PTGES3L: variants seen among roughly 807,000 people sequenced by gnomAD.
PTGES3L encodes putative protein PTGES3L.
Under a neutral mutation model 25.0 loss-of-function variants are expected in PTGES3L, and 17 were observed. The observed-to-expected ratio is 0.68, with a 90% CI of 0.47 to 1.02. The LOEUF (loss-of-function observed/expected upper bound fraction) is 1.02, where lower values mean the gene tolerates loss of function less well. PTGES3L is among the 50% of genes least tolerant of loss of function. The pLI is 0.00. For synonymous variants in PTGES3L, 59 were observed against 65.7 expected, an observed-to-expected ratio of 0.90 and a Z score of 0.50; for missense variants, 202 against 197.5, an observed-to-expected ratio of 1.02 and a Z score of -0.14.
chr17:42,971,671 T>C lies in PTGES3L; in HGVS notation c.314A>G (p.Asp105Gly), dbSNP rs199559973. The change falls in exon 5 of 7, where the codon GAT (aspartate) becomes GGT (glycine). Residue 105 changes from aspartate (D) to glycine (G), a missense_variant. Physicochemically the swap from Asp to Gly is moderately conservative, Grantham distance 94 (BLOSUM62 -1). Coordinates refer to ENST00000591916, the MANE Select transcript of PTGES3L (RefSeq NM_001261430.2). ...ATCCCCTTCCCAGTCTCTCCAGTTATCAAAGTCCACAGACAGCCACACTGG... is the reference window on the plus strand; with the variant it reads ...ATCCCCTTCCCAGTCTCTCCAGTTACCAAAGTCCACAGACAGCCACACTGG... Reference protein sequence around the residue: ...IKPVWLSVDFDNWRDWEGDEE... With the variant: ...IKPVWLSVDFGNWRDWEGDEE... 12 of 1,613,994 alleles carry C rather than the reference T, an allele frequency of 7.4e-6. No homozygotes were observed. The Middle Eastern group carries it at 9.9e-4, about 133-fold the overall frequency.
intron 4 of PTGES3L, among the ~76,000 whole-genome samples, chr17:42,974,008 A>AT (rs945486094): frequency 3.3e-5 from 5 of 149,868 alleles, no homozygotes; most frequent in East Asian, 1.9e-4. Context: ...TAAATTAAAA[A>AT]AAAATAAAAA....
chr17:42,979,885 G>T, intron 1 of PTGES3L, 161 bp downstream of exon 1: 1 of 1,445,444 alleles, frequency 6.9e-7, no homozygotes. Flanking sequence ...AGGAGGTCAG[G>T]GAGAACATTC....
chr17:42,973,578 G>A (rs1193563722), intron 4 of PTGES3L, among the ~76,000 whole-genome samples: 1 of 151,880 alleles, frequency 6.6e-6, no homozygotes. Flanking sequence ...AAAAGATTGA[G>A]AAATCGGATG....
chr17:42,969,936 G>A (rs1421830305), intron 6 of PTGES3L, among the ~76,000 whole-genome samples: 1 of 151,934 alleles, frequency 6.6e-6, no homozygotes, highest in Non-Finnish European at 1.5e-5. Context: ...AGACCAGCCT[G>A]GCTAACATGG....
intron 4 of PTGES3L, among the ~76,000 whole-genome samples, chr17:42,973,835 T>A (rs2049903972): frequency 1.4e-5 from 2 of 144,608 alleles, no homozygotes; most frequent in South Asian, 4.5e-4. Context: ...TAATCTCAAG[T>A]AATCAGGGAC....
Position 42,969,177 on chromosome 17 carries a change from C to G in PTGES3L, c.442G>C (p.Asp148His), listed in dbSNP as rs75458110. ...PAMDDLDDDS[D>H]SADDATSN is the part of the protein sequence containing the mutation. Reference sequence around the variant, plus strand: ...TTACTTGTTGCATCATCAGCACTGTCAGAATCATCCTGGGGGCGGGGGGGA... The same window carrying G: ...TTACTTGTTGCATCATCAGCACTGTGAGAATCATCCTGGGGGCGGGGGGGA... The change falls in exon 7 of 7, where the codon GAC (aspartate) becomes CAC (histidine). Residue 148 changes from aspartate to histidine, a missense_variant. By Grantham distance (81) the Asp-to-His change is moderately conservative (BLOSUM62 -1). Transcript: ENST00000591916. 9,901 of 1,463,220 alleles carry G rather than the reference C, an allele frequency of 6.8e-3. 667 individuals are homozygous for G. In the African/African-American group the frequency reaches 0.16, roughly 23 times the overall value. 90.6% of individuals were successfully genotyped at this position (1,463,220 alleles called of 1,614,324 possible).
chr17:42,978,425 A>C (rs565166542), intron 4 of PTGES3L, among the ~76,000 whole-genome samples: 13 of 152,246 alleles, frequency 8.5e-5, no homozygotes, highest in African/African-American at 2.9e-4. Context: ...CACACACACA[A>C]AAAGAATCAA....
chr17:42,979,102 G>A (rs2050021260), intron 4 of PTGES3L, 68 bp downstream of exon 4: 1 of 1,552,274 alleles, frequency 6.4e-7, no homozygotes, highest in Non-Finnish European at 8.9e-7. Context: ...TGGAAAGGAG[G>A]CAAGGACAAT....
chr17:42,971,586 A>G (rs2049837391), intron 5 of PTGES3L, 21 bp downstream of exon 5: 3 of 1,613,132 alleles, frequency 1.9e-6, no homozygotes, highest in Non-Finnish European at 2.5e-6. Flanking sequence ...TGGGCAGAAC[A>G]CAGTAGGTGT....
chr17:42,971,031 ACTTACGC>A (rs1567722420), intron 5 of PTGES3L, among the ~76,000 whole-genome samples: 1 of 151,538 alleles, frequency 6.6e-6, no homozygotes, highest in African/African-American at 2.4e-5. Flanking sequence ...AGGCATGGTG[ACTTACGC>A]CTGTAATCCC....
chr17:42,970,806 C>A (rs1409019263), intron 5 of PTGES3L, among the ~76,000 whole-genome samples: 5 of 151,778 alleles, frequency 3.3e-5, no homozygotes, highest in Admixed American at 2.6e-4. Flanking sequence ...AGTTCCAGAC[C>A]AGCCTGGCCA....
chr17:42,973,307 G>A (rs373326933), intron 4 of PTGES3L, among the ~76,000 whole-genome samples: 13 of 55,914 alleles, frequency 2.3e-4, no homozygotes, highest in Non-Finnish European at 4.4e-4. Flanking sequence ...TCTGCCCGGC[G>A]GCCCCTACTG....
At chr17:42,972,800 G>A (rs1162668200) in intron 4 of PTGES3L, among the ~76,000 whole-genome samples, 1 of 149,778 alleles carries the variant, frequency 6.7e-6, no homozygotes, top group Non-Finnish European at 1.5e-5. Flanking sequence ...GGGATGTGAG[G>A]AGCCCCTCTG....
chr17:42,971,486 A>T (rs1284407569), intron 5 of PTGES3L, 121 bp downstream of exon 5: 5 of 985,276 alleles, frequency 5.1e-6, no homozygotes, highest in Non-Finnish European at 7.6e-6. Flanking sequence ...ATCAATGAGT[A>T]ACCTGCCTAG....
At chr17:42,973,251 A>G (rs2049887867) in intron 4 of PTGES3L, among the ~76,000 whole-genome samples, 5 of 147,926 alleles carry the variant, frequency 3.4e-5, no homozygotes, top group South Asian at 2.2e-4. Flanking sequence ...TGGGGGGGTC[A>G]GCCCCCCGCC....
In PTGES3L at chr17:42,971,837, C is replaced by T. The variant is rs569325755; in HGVS notation, c.289-141G>A. On this transcript the variant is annotated intron_variant, in intron 4 of 6. Coordinates refer to ENST00000591916, the MANE Select transcript of PTGES3L (RefSeq NM_001261430.2). The stretch of plus-strand genomic sequence containing the variant: ...AGTCCTCCCAACTGCACTCCTTTGA[C>T]CAGGAACCTGCCAATCTACACACAA... 17 of 691,722 alleles carry T rather than the reference C, an allele frequency of 2.5e-5. No homozygotes were observed. In the African/African-American group the frequency reaches 2.7e-4, roughly 11 times the overall value. The allele number at this position is 691,722 out of a possible 1,614,324, so 42.8% of individuals were successfully genotyped here.
At position 42,969,197 on chromosome 17, in the gene PTGES3L, G is replaced by C. The variant is rs760909566; in HGVS notation, c.433-11C>G. The C allele has an allele frequency of 6.1e-5, 86 of 1,420,770 alleles. No individual in the cohort carries two copies. The highest frequency in any genetic ancestry group is 1.8e-4 in the Middle Eastern group (1 of 5,602). The allele number at this position is 1,420,770 out of a possible 1,614,324, so 88.0% of individuals were successfully genotyped here. On this transcript the variant is annotated splice_polypyrimidine_tract_variant and intron_variant, in intron 6 of 6. Coordinates refer to ENST00000591916, the MANE Select transcript of PTGES3L (RefSeq NM_001261430.2). ...ACTGTCAGAATCATCCTGGGGGCGG[G>C]GGGGAAAAAAGACAAAGCACCTGTA... is the stretch of plus-strand genomic sequence containing the variant.
rs1483982791 is a variant in PTGES3L at position 42,970,315 on chromosome 17, G to A, written c.406C>T (p.Pro136Ser). 2.5e-6 allele frequency: 4 copies of A among 1,613,936 alleles called. No homozygotes were observed. Among genetic ancestry groups the A allele is most frequent in the Non-Finnish European group, 3.4e-6 (4 of 1,179,894 alleles). The change falls in exon 6 of 7, where the codon CCT (proline) becomes TCT (serine). Residue 136 changes from proline (P) to serine (S), a missense_variant. Coordinates refer to ENST00000591916, the MANE Select transcript of PTGES3L (RefSeq NM_001261430.2). ...TCCAAATCATCCATGGCAGGTGGAG[G>A]TCTCTTGGTGCTGACCTTCTTCAAA... is the stretch of plus-strand genomic sequence containing the variant. ...ELLKKVSTKR[P>S]PPAMDDLDDD...
chr17:42,977,807 A>T (rs1186573178), intron 4 of PTGES3L, among the ~76,000 whole-genome samples: 3 of 151,950 alleles, frequency 2.0e-5, no homozygotes, highest in Non-Finnish European at 4.4e-5. Context: ...GGCCGGGTGC[A>T]GTGGCTCACA....
Sources: allele counts gnomAD v4.1 joint callset (sites outside exome capture counted in the v4.1 genomes callset), GRCh38; gene constraint gnomAD v4.1.1; transcripts MANE v1.5; gene names NCBI Gene and HGNC (gene_info 2026-07-23, HGNC 2026-07-21).